ALDH7A1: variants seen among roughly 807,000 people sequenced by gnomAD.
The protein encoded by ALDH7A1 is aldehyde dehydrogenase 7 family member A1.
A neutral mutation model predicts 79.9 loss-of-function variants in ALDH7A1; 63 were observed. The ratio of observed to expected loss-of-function variants is 0.79; its 90% CI spans 0.64 to 0.97. The LOEUF is 0.97. ALDH7A1 is among the 50% of genes least tolerant of loss of function. The pLI, the probability that ALDH7A1 is intolerant of heterozygous loss-of-function variation, is 0.00. For synonymous variants in ALDH7A1, 240 were observed against 231.2 expected, an observed-to-expected ratio of 1.04 and a Z score of -0.34; for missense variants, 627 against 665.2, an observed-to-expected ratio of 0.94 and a Z score of 0.63.
rs766333326 is a variant in ALDH7A1 at position 126,575,419 on chromosome 5, C to G, written c.695+1G>C. On this transcript the variant is annotated splice_donor_variant, in intron 7 of 17. Transcript: ENST00000409134. LOFTEE classifies it high-confidence loss of function. ...GGAAAAAGAAAGCCACATGTACTTACTTTGTGACAGCCACACTAATGAGGG... is the reference window on the plus strand; with the variant it reads ...GGAAAAAGAAAGCCACATGTACTTAGTTTGTGACAGCCACACTAATGAGGG... 6.2e-7 allele frequency: 1 copy of G among 1,613,100 alleles called. No homozygotes were observed. The highest frequency in any genetic ancestry group is 8.5e-7 in the Non-Finnish European group (1 of 1,179,530).
At chr5:126,594,969 C>A in intron 1 of ALDH7A1, 38 bp downstream of exon 1, 1 of 1,557,384 alleles carries the variant, frequency 6.4e-7, no homozygotes, top group East Asian at 2.4e-5. Context: ...CTCGAGCGAG[C>A]CCCGGCGGCT....
intron 8 of ALDH7A1, chr5:126,568,784 T>C (rs1750680278): frequency 4.3e-6 from 1 of 230,906 alleles, no homozygotes; most frequent in Non-Finnish European, 8.7e-6. Context: ...ATACTAAAAT[T>C]AGCCAGGTGT....
At chr5:126,558,432 A>G (rs1561653797) in intron 11 of ALDH7A1, among the ~76,000 whole-genome samples, 3 of 152,196 alleles carry the variant, frequency 2.0e-5, no homozygotes, top group Admixed American at 2.0e-4. Flanking sequence ...GAGAGGTCAC[A>G]CATATACATA....
intron 6 of ALDH7A1, 62 bp downstream of exon 6, chr5:126,577,017 T>A: frequency 1.2e-6 from 2 of 1,606,556 alleles, no homozygotes; most frequent in African/African-American, 2.7e-5. Context: ...GCTGAGGTAG[T>A]AGTATCTAGA....
chr5:126,572,817 T>C (rs1203320361), intron 7 of ALDH7A1, among the ~76,000 whole-genome samples: 1 of 152,168 alleles, frequency 6.6e-6, no homozygotes, highest in Non-Finnish European at 1.5e-5. Flanking sequence ...ACAAGAACAC[T>C]GATTAAAGAG....
chr5:126,550,320 A>C (rs773773208), intron 14 of ALDH7A1, 27 bp from the exon 15 acceptor site: 1 of 1,537,946 alleles, frequency 6.5e-7, no homozygotes, highest in African/African-American at 1.4e-5. Context: ...TGGAAGCTGT[A>C]AGATGTTATA....
In ALDH7A1 at chr5:126,552,114, A is replaced by G. The variant is rs121912710; in HGVS notation, c.1224T>C (p.Tyr408=). Residue 408 remains tyrosine, a synonymous_variant, in exon 14 of 18, where the codon TAT becomes TAC. Transcript: ENST00000409134. ...GACCTGTCACAATTGTCGGTTCTAC[A>G]TAATTTCCAGGGCGATCCATAACCT... ...GGKVMDRPGN[Y]VEPTIVTGLG... is the part of the protein sequence containing the mutation. 5.0e-6 allele frequency: 8 copies of G among 1,614,124 alleles called. No individual in the cohort carries two copies. The Admixed American group carries it at 1.0e-4, about 20-fold the overall frequency.
chr5:126,553,136 T>C (rs1468428980), intron 13 of ALDH7A1, among the ~76,000 whole-genome samples: 2 of 152,212 alleles, frequency 1.3e-5, no homozygotes, highest in Non-Finnish European at 2.9e-5. Flanking sequence ...TAGATTATAA[T>C]TGCTCTGAAT....
Position 126,559,274 on chromosome 5 carries a change from G to C in ALDH7A1, c.974C>G (p.Thr325Arg), listed in dbSNP as rs1389337955. The change falls in exon 11 of 18, where the codon ACA becomes AGA. Residue 325 changes from threonine to arginine, a missense_variant. Coordinates refer to ENST00000409134, the MANE Select transcript of ALDH7A1 (RefSeq NM_001182.5). ...CGCAGTGGTACACCTCTGGCCAGCT[G>C]TTCCCACAGCAGCGAAGAGAGCTGA... ...VPSALFAAVG[T>R]AGQRCTTARR... is the part of the protein sequence containing the mutation. 9.3e-6 allele frequency: 15 copies of C among 1,614,016 alleles called. No homozygotes were observed. Among genetic ancestry groups the C allele is most frequent in the Non-Finnish European group, 1.3e-5 (15 of 1,179,916 alleles).
intron 5 of ALDH7A1, 132 bp downstream of exon 5, chr5:126,582,719 T>A: frequency 9.9e-7 from 1 of 1,005,436 alleles, no homozygotes; most frequent in Admixed American, 2.2e-5. Context: ...CTTTGAAAGA[T>A]TGAGGATATT....
rs778125731 is a variant in ALDH7A1, at chr5:126,552,035, C to T, written c.1303G>A (p.Val435Ile). 3.7e-6 allele frequency: 6 copies of T among 1,612,878 alleles called. No individual in the cohort carries two copies. The highest frequency in any genetic ancestry group is 4.2e-6 in the Non-Finnish European group (5 of 1,179,532). The change falls in exon 14 of 18, where the codon GTC (valine) becomes ATC (isoleucine). Residue 435 changes from valine to isoleucine, a missense_variant. Coordinates refer to ENST00000409134, the MANE Select transcript of ALDH7A1 (RefSeq NM_001182.5). ...HTETFAPILY[V>I]FKFKNEEEVF... ...TGCATTTTTACCTTGAATTTAAAGA[C>T]ATAGAGAATCGGAGCAAAAGTCTCT...
intron 8 of ALDH7A1, chr5:126,570,125 G>C (rs1270704100): frequency 6.6e-6 from 1 of 152,388 alleles, no homozygotes; most frequent in African/African-American, 2.4e-5. Context: ...TTCTTTAGTG[G>C]CTGTCAGGGC....
chr5:126,585,722 C>A (rs1751338415), intron 3 of ALDH7A1, among the ~76,000 whole-genome samples: 1 of 151,976 alleles, frequency 6.6e-6, no homozygotes, highest in African/African-American at 2.4e-5. Context: ...CCACCACGCC[C>A]GGCTAATTTT....
chr5:126,548,668 C>T (rs1270793125), intron 16 of ALDH7A1, among the ~76,000 whole-genome samples: 3 of 151,994 alleles, frequency 2.0e-5, no homozygotes, highest in East Asian at 1.9e-4. Context: ...CTCAAGCGAT[C>T]GGCCCACCTC....
intron 13 of ALDH7A1, among the ~76,000 whole-genome samples, chr5:126,552,766 T>G (rs562208159): frequency 2.6e-5 from 4 of 151,942 alleles, no homozygotes; most frequent in Admixed American, 6.6e-5. Context: ...GGTTTTTTGT[T>G]TTTGATTTGG....
At chr5:126,549,846 C>G in intron 16 of ALDH7A1, 83 bp downstream of exon 16, 1 of 1,237,030 alleles carries the variant, frequency 8.1e-7, no homozygotes, top group African/African-American at 1.5e-5. Context: ...GTGTTTCAGT[C>G]TCTTGGTCAG....
At chr5:126,581,081 C>T (rs1751157428) in intron 5 of ALDH7A1, 1 of 151,936 alleles carries the variant, frequency 6.6e-6, no homozygotes, top group African/African-American at 2.4e-5. Flanking sequence ...ACCTTGGCCT[C>T]CTGAAGTGCT....
intron 9 of ALDH7A1, chr5:126,561,483 AGTGTGT>A (rs57059063): frequency 0.6 from 92,318 of 154,808 alleles, 29,913 homozygotes; most frequent in East Asian, 0.73. Flanking sequence ...GCACCCACAG[AGTGTGT>A]GTGTGTGTGT....
In ALDH7A1 at chr5:126,543,200, A is replaced by C. The variant is rs1749668474; in HGVS notation, c.*1765T>G. On this transcript the variant is annotated 3_prime_UTR_variant, in exon 18 of 18. Transcript: ENST00000409134. ...ACTAACAAGTGATTTATATCTGCTA[A>C]ATCAGCAAAAAAGAACAAAGAGGAA... 1 of 152,222 alleles carries C rather than the reference A, an allele frequency of 6.6e-6. No individual in the cohort carries two copies. The highest frequency in any genetic ancestry group is 1.5e-5 in the Non-Finnish European group (1 of 68,030). 9.4% of individuals were successfully genotyped at this position (152,222 alleles called of 1,614,324 possible).
Sources: allele counts gnomAD v4.1 joint callset (sites outside exome capture counted in the v4.1 genomes callset), GRCh38; gene constraint gnomAD v4.1.1; transcripts MANE v1.5; gene names NCBI Gene and HGNC (gene_info 2026-07-23, HGNC 2026-07-21).